EEA1: variants seen among roughly 807,000 people sequenced by gnomAD.
EEA1 encodes the protein early endosome antigen 1, 162kD.
A neutral mutation model predicts 209.2 loss-of-function variants in EEA1; 111 were observed. The observed-to-expected ratio is 0.53, with a 90% CI of 0.45 to 0.62. The LOEUF is 0.62. Ranked by LOEUF, EEA1 falls within the 20% of genes least tolerant of loss-of-function variation. The pLI, the probability that EEA1 is intolerant of heterozygous loss-of-function variation, is 0.00. For synonymous variants in EEA1, 536 were observed against 540.6 expected, an observed-to-expected ratio of 0.99 and a Z score of 0.12; for missense variants, 1,343 against 1,530.8, an observed-to-expected ratio of 0.88 and a Z score of 2.05.
intron 1 of EEA1, among the ~76,000 whole-genome samples, 163 bp from the exon 2 acceptor site, chr12:92,891,884 T>C (rs1368544293): frequency 6.6e-6 from 1 of 152,344 alleles, no homozygotes; most frequent in East Asian, 1.9e-4. Context: ...CCTAATGCTG[T>C]ATCAAAATCT....
At chr12:92,865,025 T>C (rs770652026) in intron 2 of EEA1, 38 bp from the exon 3 acceptor site, 4 of 1,503,740 alleles carry the variant, frequency 2.7e-6, no homozygotes, top group Non-Finnish European at 2.7e-6. Flanking sequence ...AAAATAGTAT[T>C]TAATATTGTG....
chr12:92,907,021 C>G (rs1299984617), intron 1 of EEA1, among the ~76,000 whole-genome samples: 1 of 152,022 alleles, frequency 6.6e-6, no homozygotes, highest in Non-Finnish European at 1.5e-5. Context: ...CTCACTAACC[C>G]TTTTCTACTA....
intron 12 of EEA1, among the ~76,000 whole-genome samples, chr12:92,827,343 G>C (rs1876359305): frequency 6.6e-6 from 1 of 152,036 alleles, no homozygotes; most frequent in Non-Finnish European, 1.5e-5. Context: ...GACAGAGTGA[G>C]ACCCTGTCTC....
chr12:92,816,878 T>C (rs1875814776), intron 14 of EEA1, among the ~76,000 whole-genome samples: 1 of 151,460 alleles, frequency 6.6e-6, no homozygotes, highest in Non-Finnish European at 1.5e-5. Context: ...ATACTGCAAA[T>C]GTTTTCTCCC....
intron 3 of EEA1, among the ~76,000 whole-genome samples, chr12:92,863,618 G>T (rs1456679721): frequency 6.6e-6 from 1 of 152,172 alleles, no homozygotes; most frequent in African/African-American, 2.4e-5. Flanking sequence ...TCAATTCAAA[G>T]AATCATGAGA....
In EEA1 at chr12:92,802,727, TG is replaced by T; in HGVS notation, c.2346del (p.Ser783ValfsTer30). On this transcript the variant is annotated frameshift_variant, in exon 19 of 29. Coordinates refer to ENST00000322349, the MANE Select transcript of EEA1 (RefSeq NM_003566.4). LOFTEE classifies it high-confidence loss of function. ...TTTTTCTGTAGATCCAATCTTGTACTGGATACTCTAAATATTTAAAAAACAA... is the reference window on the plus strand; with the variant it reads ...TTTTTCTGTAGATCCAATCTTGTACTGATACTCTAAATATTTAAAAAACAA... Reference protein sequence around the residue: ...KQLEMEKEIVSSTRLDLQKKS... With the variant: ...KQLEMEKEIVXSTRLDLQKKS... 1 of 1,565,690 alleles carries T rather than the reference TG, an allele frequency of 6.4e-7. No individual in the cohort carries two copies. Among genetic ancestry groups the T allele is most frequent in the Non-Finnish European group, 8.6e-7 (1 of 1,164,818 alleles).
At chr12:92,898,231 G>A (rs187639894) in intron 1 of EEA1, among the ~76,000 whole-genome samples, 45 of 152,194 alleles carry the variant, frequency 3.0e-4, no homozygotes, top group Non-Finnish European at 5.3e-4. Context: ...TTTATATTCT[G>A]GATAGAGTAT....
At chr12:92,868,359 G>A (rs1878493040) in intron 2 of EEA1, among the ~76,000 whole-genome samples, 1 of 152,180 alleles carries the variant, frequency 6.6e-6, no homozygotes, top group South Asian at 2.1e-4. Flanking sequence ...CCCATATAAT[G>A]TTTAGCCTGT....
intron 2 of EEA1, 65 bp downstream of exon 2, chr12:92,891,564 T>TA (rs1427431431): frequency 8.0e-7 from 1 of 1,252,770 alleles, no homozygotes; most frequent in Admixed American, 2.2e-5. Context: ...CACCAATCGT[T>TA]ACACCAAATA....
intron 13 of EEA1, among the ~76,000 whole-genome samples, chr12:92,825,516 T>TG (rs1876256137): frequency 6.6e-6 from 1 of 151,938 alleles, no homozygotes; most frequent in African/African-American, 2.4e-5. Flanking sequence ...CTTCAGCATT[T>TG]GGGCAACCTC....
intron 13 of EEA1, among the ~76,000 whole-genome samples, chr12:92,823,672 CCT>C (rs1357052463): frequency 7.2e-5 from 11 of 152,110 alleles, no homozygotes. Context: ...TTGCCTGGCC[CCT>C]CTTTCATCCT....
At chr12:92,853,666 T>C (rs1729100720) in intron 6 of EEA1, among the ~76,000 whole-genome samples, 1 of 152,206 alleles carries the variant, frequency 6.6e-6, no homozygotes, top group African/African-American at 2.4e-5. Flanking sequence ...CATATTAATG[T>C]AATATTCCAG....
intron 9 of EEA1, among the ~76,000 whole-genome samples, chr12:92,849,782 T>G (rs1215840731): frequency 6.6e-6 from 1 of 152,166 alleles, no homozygotes; most frequent in East Asian, 1.9e-4. Context: ...GTTATATTTG[T>G]GAATAGAGTG....
At position 92,848,595 on chromosome 12, in the gene EEA1, T is replaced by C. The variant is rs529918921; in HGVS notation, c.798+2516A>G. On this transcript the variant is annotated intron_variant, in intron 9 of 28. Coordinates refer to ENST00000322349, the MANE Select transcript of EEA1 (RefSeq NM_003566.4). ...TATAAATTCATAAAACACTAAAAAT[T>C]CTTAAATAAGAATTTATTAGAGTAA... 1.4e-3 allele frequency among the ~76,000 whole-genome samples: 214 copies of C among 152,144 alleles called. 1 individual carries two copies. The highest frequency in any genetic ancestry group is 5.0e-3 in the African/African-American group (207 of 41,540).
Position 92,857,448 on chromosome 12 carries a change from G to A in EEA1, c.283C>T (p.Leu95=). ...ATTCTTACCTTAAGTGAAGCCTGTA[G>A]GTCTTGGACCTCTTGTCTGAGCAGT... The part of the protein sequence containing the change: ...VTLLRQEVQD[L]QASLKEEKWY... Residue 95 remains leucine, a synonymous_variant, in exon 4 of 29, where the codon CTA becomes TTA. Coordinates refer to ENST00000322349, the MANE Select transcript of EEA1 (RefSeq NM_003566.4). 6.3e-7 allele frequency: 1 copy of A among 1,597,446 alleles called. No homozygotes were observed. The highest frequency in any genetic ancestry group is 8.5e-7 in the Non-Finnish European group (1 of 1,174,364).
chr12:92,830,713 A>G (rs897981179), intron 11 of EEA1, among the ~76,000 whole-genome samples: 1 of 152,204 alleles, frequency 6.6e-6, no homozygotes, highest in Non-Finnish European at 1.5e-5. Context: ...ATTGCTGAGG[A>G]GGTGAGCCAA....
chr12:92,865,377 T>C lies in EEA1; in HGVS notation c.118-390A>G, dbSNP rs1262488736. 2.1e-5 allele frequency among the ~76,000 whole-genome samples: 3 copies of C among 141,866 alleles called. No homozygotes were observed. The East Asian group carries it at 6.0e-4, about 28-fold the overall frequency. The allele number at this position is 141,866 out of a possible 152,430, so 93.1% of individuals were successfully genotyped here. A position where few individuals can be genotyped will look rare whatever the true frequency, so the allele number is the denominator to read the frequency against. The stretch of plus-strand genomic sequence containing the variant: ...TCCAATCTACTTCATAGGAATGCTA[T>C]GAAAAAAAAAAAAAGAAGATGAACC... On this transcript the variant is annotated intron_variant, in intron 2 of 28. Coordinates refer to ENST00000322349, the MANE Select transcript of EEA1 (RefSeq NM_003566.4).
chr12:92,791,150 T>C (rs1592703833), intron 21 of EEA1, among the ~76,000 whole-genome samples: 1 of 152,162 alleles, frequency 6.6e-6, no homozygotes, highest in Non-Finnish European at 1.5e-5. Flanking sequence ...GTACAACCGG[T>C]ACCAGCCACT....
chr12:92,805,948 A>C (rs1376919228), intron 18 of EEA1, among the ~76,000 whole-genome samples: 1 of 152,230 alleles, frequency 6.6e-6, no homozygotes, highest in Non-Finnish European at 1.5e-5. Context: ...CCCTCTTTCA[A>C]GATAATTTAT....
Sources: gnomAD v4.1 joint callset for allele counts (sites outside exome capture counted in the v4.1 genomes callset) on GRCh38, gnomAD v4.1.1 for gene constraint, MANE v1.5 for transcripts, NCBI Gene and HGNC (gene_info 2026-07-23, HGNC 2026-07-21) for gene names.